SULT4A1: variants seen among roughly 807,000 people sequenced by gnomAD.
SULT4A1 encodes the protein sulfotransferase 4A1.
Under a neutral mutation model 35.2 loss-of-function variants are expected in SULT4A1, and 11 were observed. The observed-to-expected ratio is 0.31, with a 90% CI of 0.20 to 0.52. SULT4A1 has a LOEUF of 0.52. Ranked by LOEUF, SULT4A1 falls within the 20% of genes least tolerant of loss-of-function variation. The pLI is 0.97. For missense variants in SULT4A1, 271 were observed against 383.7 expected (o/e 0.71, Z 2.45); for synonymous variants, 152 against 151.8 (o/e 1.00, Z -0.01).
rs141389107 is a variant in SULT4A1 at position 43,856,826 on chromosome 22, C to T, written c.169+5388G>A. 8.2e-4 allele frequency among the ~76,000 whole-genome samples: 125 copies of T among 152,262 alleles called. 1 individual carries two copies. The highest frequency in any genetic ancestry group is 1.0e-3 in the Non-Finnish European group (70 of 68,014). On this transcript the variant is annotated intron_variant, in intron 1 of 6. Transcript: ENST00000330884. ...TTAACTCAATTCCTTATACTAATGG[C>T]CTAGCAGTTGAAAAGCCGGCCTCAT...
chr22:43,846,161 A>AC (rs2063475561), intron 1 of SULT4A1, among the ~76,000 whole-genome samples: 2 of 152,202 alleles, frequency 1.3e-5, no homozygotes, highest in Middle Eastern at 6.8e-3. Context: ...TCTGAGCCCA[A>AC]CCGGCCCTTC....
rs1420783885 is a variant in SULT4A1 at position 43,862,406 on chromosome 22, C to T, written c.-24G>A. 1.7e-6 allele frequency: 2 copies of T among 1,201,324 alleles called. No homozygotes were observed. Among genetic ancestry groups the T allele is most frequent in the Non-Finnish European group, 2.1e-6 (2 of 950,050 alleles). The allele number at this position is 1,201,324 out of a possible 1,614,324, so 74.4% of individuals were successfully genotyped here. On this transcript the variant is annotated 5_prime_UTR_variant, in exon 1 of 7. Transcript: ENST00000330884. ...ATGCCGCCGCCGTCGCCGTCGCCGC[C>T]GCCGCCTCCCGGCTCGCAGCCCGCA... is the stretch of plus-strand genomic sequence containing the variant.
intron 1 of SULT4A1, among the ~76,000 whole-genome samples, chr22:43,843,761 T>A (rs1269378786): frequency 6.6e-6 from 1 of 152,252 alleles, no homozygotes; most frequent in Non-Finnish European, 1.5e-5. Flanking sequence ...CTTCCTCTGG[T>A]ATTCATCAGA....
At chr22:43,845,665 C>T (rs763727322) in intron 1 of SULT4A1, among the ~76,000 whole-genome samples, 19 of 152,290 alleles carry the variant, frequency 1.2e-4, no homozygotes, top group African/African-American at 4.1e-4. Context: ...CCCCAGGCCA[C>T]GGGTCTGTGG....
intron 1 of SULT4A1, among the ~76,000 whole-genome samples, chr22:43,845,814 G>A (rs1430860059): frequency 2.0e-5 from 3 of 152,118 alleles, no homozygotes; most frequent in African/African-American, 7.2e-5. Flanking sequence ...CTGCACCTGC[G>A]AGGGATCTGG....
chr22:43,849,473 G>A (rs2063496986), intron 1 of SULT4A1, among the ~76,000 whole-genome samples: 1 of 152,164 alleles, frequency 6.6e-6, no homozygotes, highest in Non-Finnish European at 1.5e-5. Flanking sequence ...AATTCAGCCA[G>A]CAGAGAGAGA....
At chr22:43,844,888 C>T (rs369865370) in intron 1 of SULT4A1, among the ~76,000 whole-genome samples, 132 of 152,298 alleles carry the variant, frequency 8.7e-4, no homozygotes, top group African/African-American at 2.9e-3. Context: ...CAGGAGGAAG[C>T]GGGGCCCCGC....
In SULT4A1 at chr22:43,825,199, C is replaced by G. The variant is rs1054371334; in HGVS notation, c.*802G>C. 3.3e-5 allele frequency: 5 copies of G among 152,200 alleles called. No individual in the cohort carries two copies. The highest frequency in any genetic ancestry group is 1.2e-4 in the African/African-American group (5 of 41,426). 9.4% of individuals were successfully genotyped at this position (152,200 alleles called of 1,614,324 possible). The stretch of plus-strand genomic sequence containing the variant: ...TGTGGAATTCAGCTCAAATTCCGAG[C>G]GCAACTCGGTCCTTTGGTGGCCGAC... On this transcript the variant is annotated 3_prime_UTR_variant, in exon 7 of 7. Coordinates refer to ENST00000330884, the MANE Select transcript of SULT4A1 (RefSeq NM_014351.4).
At position 43,827,058 on chromosome 22, in the gene SULT4A1, T is replaced by C. The variant is rs548592950; in HGVS notation, c.743-945A>G. On this transcript the variant is annotated intron_variant, in intron 6 of 6. Coordinates refer to ENST00000330884, the MANE Select transcript of SULT4A1 (RefSeq NM_014351.4). ...AAAATCTTAGGTTGGTCTAGTCCAA[T>C]AGCAACGGTGACCGTGAAGATGTCT... 2.6e-5 allele frequency: 26 copies of C among 985,490 alleles called. 1 individual carries two copies. The African/African-American group carries it at 3.3e-4, about 13-fold the overall frequency. 61.0% of individuals were successfully genotyped at this position (985,490 alleles called of 1,614,324 possible).
At chr22:43,832,213 T>C (rs554456459) in intron 5 of SULT4A1, among the ~76,000 whole-genome samples, 1 of 152,292 alleles carries the variant, frequency 6.6e-6, no homozygotes, top group Non-Finnish European at 1.5e-5. Flanking sequence ...GGACCCTAAA[T>C]GTGGCTCTGT....
At chr22:43,835,969 C>A (rs940379230) in intron 4 of SULT4A1, among the ~76,000 whole-genome samples, 2 of 152,194 alleles carry the variant, frequency 1.3e-5, no homozygotes, top group Non-Finnish European at 2.9e-5. Flanking sequence ...GAGGCGAGGA[C>A]GCCGGGCCCC....
intron 1 of SULT4A1, among the ~76,000 whole-genome samples, chr22:43,855,073 G>A (rs112924720): frequency 2.0e-5 from 3 of 152,180 alleles, no homozygotes; most frequent in Admixed American, 1.3e-4. Flanking sequence ...ATTCCCCACA[G>A]AGCACCCTCC....
chr22:43,862,488 C>CGCG lies in SULT4A1; in HGVS notation c.-109_-107dup. 1 of 954,568 alleles carries CGCG rather than the reference C, an allele frequency of 1.0e-6. No individual in the cohort carries two copies. Among genetic ancestry groups the CGCG allele is most frequent in the Non-Finnish European group, 1.2e-6 (1 of 805,170 alleles). 59.1% of individuals were successfully genotyped at this position (954,568 alleles called of 1,614,324 possible). ...CGCACACGCTCGCGCCCCACCGGCG[C>CGCG]GCGGCGGCAGCTCCGCAGGCGTGAC... On this transcript the variant is annotated 5_prime_UTR_variant, in exon 1 of 7. Coordinates refer to ENST00000330884, the MANE Select transcript of SULT4A1 (RefSeq NM_014351.4).
At chr22:43,831,103 A>T (rs1005535211) in intron 5 of SULT4A1, among the ~76,000 whole-genome samples, 1 of 152,214 alleles carries the variant, frequency 6.6e-6, no homozygotes, top group African/African-American at 2.4e-5. Flanking sequence ...AGTTCCAGGC[A>T]GGGCTGGTGG....
At chr22:43,838,357 C>G (rs372593274) in intron 4 of SULT4A1, among the ~76,000 whole-genome samples, 1 of 152,170 alleles carries the variant, frequency 6.6e-6, no homozygotes, top group Non-Finnish European at 1.5e-5. Context: ...TGCCCTGCCC[C>G]GGAGGCTTGC....
intron 1 of SULT4A1, among the ~76,000 whole-genome samples, chr22:43,847,778 C>T (rs2063486028): frequency 6.6e-6 from 1 of 152,252 alleles, no homozygotes; most frequent in African/African-American, 2.4e-5. Context: ...TGGACACTGT[C>T]CTAGCACACT....
At chr22:43,855,242 G>A (rs2049389654) in intron 1 of SULT4A1, among the ~76,000 whole-genome samples, 1 of 152,218 alleles carries the variant, frequency 6.6e-6, no homozygotes, top group Non-Finnish European at 1.5e-5. Flanking sequence ...GCCTAGGCCA[G>A]TTTCTTCTCA....
At chr22:43,845,041 G>A (rs910069953) in intron 1 of SULT4A1, among the ~76,000 whole-genome samples, 2 of 152,164 alleles carry the variant, frequency 1.3e-5, no homozygotes, top group Admixed American at 6.5e-5. Flanking sequence ...GGCCCTCTGC[G>A]CCTTCTCCAG....
chr22:43,845,365 GGCAGCATCCAAGGCTGTCTCCTCC>G, intron 1 of SULT4A1, among the ~76,000 whole-genome samples: 1 of 152,270 alleles, frequency 6.6e-6, no homozygotes, highest in Non-Finnish European at 1.5e-5. Context: ...CAGCTCTGGG[GGCAGCATCCAAGGCTGTCTCCTCC>G]GCAGCATCCG....
Sources: gnomAD v4.1 joint callset for allele counts (sites outside exome capture counted in the v4.1 genomes callset) on GRCh38, gnomAD v4.1.1 for gene constraint, MANE v1.5 for transcripts, NCBI Gene and HGNC (gene_info 2026-07-23, HGNC 2026-07-21) for gene names.